Variants in GPC3 observed in about 807,000 individuals in gnomAD.
The protein encoded by GPC3 is glypican-3.
Under a neutral mutation model 34.4 loss-of-function variants are expected in GPC3, and 3 were observed. The ratio of observed to expected loss-of-function variants is 0.09; its 90% CI spans 0.04 to 0.23. GPC3 has a LOEUF of 0.23. Ranked by LOEUF, GPC3 falls within the 10% of genes least tolerant of loss-of-function variation. The probability of loss-of-function intolerance (pLI) is 1.00; values close to 1 mark genes in which losing one functional copy is unlikely to be tolerated. For missense variants in GPC3, 351 were observed against 445.6 expected (o/e 0.79, Z 1.91); for synonymous variants, 177 against 174.0 (o/e 1.02, Z -0.13).
chrX:133,777,308 A>G (rs994310962), intron 2 of GPC3, among the ~76,000 whole-genome samples: 3 of 110,565 alleles, frequency 2.7e-5, no homozygotes, highest in Non-Finnish European at 3.8e-5. Flanking sequence ...CCTGTATGGT[A>G]GGCTTCTGTT....
At chrX:133,624,269 A>G (rs2070270299) in intron 6 of GPC3, among the ~76,000 whole-genome samples, 2 of 111,717 alleles carry the variant, frequency 1.8e-5, no homozygotes, top group Admixed American at 1.9e-4. Flanking sequence ...AAGGGCAAAC[A>G]CATTCAAAAG....
chrX:133,664,102 GA>G (rs1232524898), intron 5 of GPC3, among the ~76,000 whole-genome samples: 1 of 111,267 alleles, frequency 9.0e-6, no homozygotes, highest in Non-Finnish European at 1.9e-5. Context: ...TTAAACTAAG[GA>G]AAAAAAATCA....
chrX:133,701,559 A>T (rs997344586), intron 3 of GPC3, among the ~76,000 whole-genome samples: 3 of 112,594 alleles, frequency 2.7e-5, no homozygotes, highest in African/African-American at 9.7e-5. Context: ...TATGGACTGT[A>T]AACTTCAGGA....
chrX:133,698,809 T>G (rs1192362971), intron 4 of GPC3, among the ~76,000 whole-genome samples: 1 of 111,671 alleles, frequency 9.0e-6, no homozygotes, highest in East Asian at 2.8e-4. Flanking sequence ...TAGCAAGAGA[T>G]TATCTTAATT....
intron 6 of GPC3, among the ~76,000 whole-genome samples, chrX:133,655,506 CCACACACA>C (rs763587305): frequency 2.1e-5 from 2 of 94,714 alleles, no homozygotes; most frequent in African/African-American, 4.4e-5. Flanking sequence ...ACACACACAC[CCACACACA>C]CACACACACA....
intron 2 of GPC3, among the ~76,000 whole-genome samples, chrX:133,843,702 A>G (rs1441419741): frequency 9.0e-6 from 1 of 111,378 alleles, no homozygotes; most frequent in Non-Finnish European, 1.9e-5. Flanking sequence ...TGTTGTTTTA[A>G]GCAATGAGTT....
At chrX:133,537,011 G>A (rs2069298988) in intron 7 of GPC3, among the ~76,000 whole-genome samples, 1 of 111,968 alleles carries the variant, frequency 8.9e-6, no homozygotes, top group Admixed American at 9.5e-5. Context: ...TAATGGGCAA[G>A]AGCCTTTCAT....
chrX:133,671,344 C>A, intron 5 of GPC3: 2 of 625,278 alleles, frequency 3.2e-6, no homozygotes, highest in East Asian at 6.4e-5. Flanking sequence ...TCAGGGGGAC[C>A]GCAAAGGCCA....
chrX:133,896,688 A>G (rs2076115304), intron 2 of GPC3, among the ~76,000 whole-genome samples: 2 of 111,166 alleles, frequency 1.8e-5, no homozygotes, highest in Non-Finnish European at 3.8e-5. Context: ...CGTAAATTAA[A>G]TCAGACTCAA....
chrX:133,760,571 G>A (rs2071777658), intron 2 of GPC3, among the ~76,000 whole-genome samples: 1 of 111,632 alleles, frequency 9.0e-6, no homozygotes, highest in African/African-American at 3.2e-5. Flanking sequence ...TTCTGGAAAA[G>A]GCAAAACTAT....
chrX:133,632,495 A>T (rs1410835635), intron 6 of GPC3, among the ~76,000 whole-genome samples: 1 of 111,640 alleles, frequency 9.0e-6, no homozygotes, highest in Non-Finnish European at 1.9e-5. Context: ...ATTTTTACTT[A>T]TATATAATTT....
chrX:133,888,696 C>T lies in GPC3; in HGVS notation c.337+64354G>A, dbSNP rs148495582. Among the ~76,000 whole-genome samples the T allele has an allele frequency of 5.1e-4, 57 of 112,281 alleles. 1 individual carries two copies. Among genetic ancestry groups the T allele is most frequent in the Non-Finnish European group, 2.3e-4 (12 of 53,223 alleles). ...CCAGTGATGATGAGCATTTTTTATACATCTGTTGGCTGCATAAATGTCTCC... is the reference window on the plus strand; with the variant it reads ...CCAGTGATGATGAGCATTTTTTATATATCTGTTGGCTGCATAAATGTCTCC... On this transcript the variant is annotated intron_variant, in intron 2 of 7. Coordinates refer to ENST00000370818, the MANE Select transcript of GPC3 (RefSeq NM_004484.4).
intron 2 of GPC3, among the ~76,000 whole-genome samples, chrX:133,782,529 C>G (rs1360551021): frequency 1.8e-5 from 2 of 111,884 alleles, no homozygotes; most frequent in Non-Finnish European, 3.8e-5. Flanking sequence ...TTCTATATTT[C>G]CATCCCCTTT....
intron 3 of GPC3, among the ~76,000 whole-genome samples, chrX:133,745,794 T>C (rs772615258): frequency 8.9e-6 from 1 of 112,456 alleles, no homozygotes; most frequent in East Asian, 2.8e-4. Flanking sequence ...GGGGACCATG[T>C]GTTGGAAGAC....
chrX:133,978,689 A>G (rs1312676158), intron 1 of GPC3, among the ~76,000 whole-genome samples: 2 of 112,215 alleles, frequency 1.8e-5, no homozygotes, highest in Non-Finnish European at 3.8e-5. Context: ...TGGAAATTTT[A>G]TGTTTGTAAT....
chrX:133,558,521 T>C (rs770599014), intron 7 of GPC3, among the ~76,000 whole-genome samples: 59 of 111,160 alleles, frequency 5.3e-4, no homozygotes, highest in Admixed American at 5.0e-3. Context: ...TGGGGAAAGA[T>C]AGGGTTGAAA....
chrX:133,912,786 G>C lies in GPC3; in HGVS notation c.337+40264C>G, dbSNP rs2076206687. ...TGCCTTGTCTATAACATGGGCTTAA[G>C]ACTATCTGCTTTGAAGAGTGTTGTG... is the stretch of plus-strand genomic sequence containing the variant. On this transcript the variant is annotated intron_variant, in intron 2 of 7. Transcript: ENST00000370818. 2.7e-5 allele frequency among the ~76,000 whole-genome samples: 3 copies of C among 111,841 alleles called. No individual in the cohort carries two copies. In the South Asian group the frequency reaches 1.1e-3, roughly 42 times the overall value.
rs1166159138 is a variant in GPC3 at position 133,954,590 on chromosome X, A to G, written c.176-1379T>C. On this transcript the variant is annotated intron_variant, in intron 1 of 7. Transcript: ENST00000370818. The stretch of plus-strand genomic sequence containing the variant: ...ATGGTAGTCAGAGAAGGCATCTTCC[A>G]TAAGGTAACGTTTGAGGAGAGATGA... 2.7e-5 allele frequency among the ~76,000 whole-genome samples: 3 copies of G among 110,475 alleles called. No homozygotes were observed. The Admixed American group carries it at 2.9e-4, about 11-fold the overall frequency.
At chrX:133,880,506 C>T (rs1291283093) in intron 2 of GPC3, among the ~76,000 whole-genome samples, 1 of 111,939 alleles carries the variant, frequency 8.9e-6, no homozygotes, top group Non-Finnish European at 1.9e-5. Context: ...ACAACCACCA[C>T]TTTGCCTATT....
Sources: gnomAD v4.1 joint callset for allele counts (sites outside exome capture counted in the v4.1 genomes callset) on GRCh38, gnomAD v4.1.1 for gene constraint, MANE v1.5 for transcripts, NCBI Gene and HGNC (gene_info 2026-07-23, HGNC 2026-07-21) for gene names.